UNC5D: variants seen among roughly 807,000 people sequenced by gnomAD.
UNC5D encodes netrin receptor UNC5D.
In UNC5D, 39 loss-of-function variants were observed where a neutral mutation model predicts 105.4. The observed-to-expected ratio is 0.37, with a 90% confidence interval of 0.29 to 0.48. UNC5D has a LOEUF of 0.48. UNC5D is among the 20% of genes least tolerant of loss of function. UNC5D has a pLI of 0.98. For synonymous variants in UNC5D, 452 were observed against 450.4 expected (o/e 1.00, Z -0.04); for missense variants, 991 against 1,202.4 (o/e 0.82, Z 2.60).
chr8:35,476,205 C>G (rs1050789855), intron 1 of UNC5D, among the ~76,000 whole-genome samples: 15 of 152,148 alleles, frequency 9.9e-5, no homozygotes, highest in Admixed American at 2.0e-4. Flanking sequence ...AATGAGCCTT[C>G]AGATGACTCT....
intron 1 of UNC5D, among the ~76,000 whole-genome samples, chr8:35,274,207 A>G (rs1013243563): frequency 6.6e-6 from 1 of 152,144 alleles, no homozygotes; most frequent in African/African-American, 2.4e-5. Context: ...TCCTCCTACT[A>G]TGGTGTAAAG....
chr8:35,410,053 A>G (rs1805064720), intron 1 of UNC5D, among the ~76,000 whole-genome samples: 1 of 151,658 alleles, frequency 6.6e-6, no homozygotes, highest in Non-Finnish European at 1.5e-5. Context: ...TTGAACAGTA[A>G]TGAATTTTCC....
intron 1 of UNC5D, among the ~76,000 whole-genome samples, chr8:35,415,498 G>A (rs1805470640): frequency 6.6e-6 from 1 of 151,970 alleles, no homozygotes; most frequent in African/African-American, 2.4e-5. Context: ...TGGCCATTTG[G>A]TTTTACCCTA....
intron 1 of UNC5D, among the ~76,000 whole-genome samples, chr8:35,413,309 T>TGTG (rs201603589): frequency 7.0e-6 from 1 of 142,248 alleles, no homozygotes; most frequent in Non-Finnish European, 1.5e-5. Context: ...TGTGTGTGTG[T>TGTG]TTTCTCTCTT....
chr8:35,674,052 A>T lies in UNC5D; in HGVS notation c.571-9495A>T, dbSNP rs569314410. On this transcript the variant is annotated intron_variant, in intron 4 of 16. Coordinates refer to ENST00000404895, the MANE Select transcript of UNC5D (RefSeq NM_080872.4). ...CAAAATAATTCAGGTCACAGTCTGA[A>T]CATTTGACAGTAATGATATAACTGG... Among the ~76,000 whole-genome samples, 8 of 152,298 alleles carry T rather than the reference A, an allele frequency of 5.3e-5. No individual in the cohort carries two copies. The East Asian group carries it at 1.5e-3, about 29-fold the overall frequency.
intron 15 of UNC5D, among the ~76,000 whole-genome samples, chr8:35,771,515 G>T (rs1639917206): frequency 6.6e-6 from 1 of 152,176 alleles, no homozygotes; most frequent in Non-Finnish European, 1.5e-5. Flanking sequence ...TTAGAGACTA[G>T]AAGAAATTTT....
intron 16 of UNC5D, among the ~76,000 whole-genome samples, chr8:35,777,728 T>G (rs551956337): frequency 6.6e-6 from 1 of 152,262 alleles, no homozygotes; most frequent in South Asian, 2.1e-4. Context: ...TTCACAAAAA[T>G]AGACAACGAC....
chr8:35,525,619 T>C (rs1252440881), intron 1 of UNC5D: 2 of 1,613,510 alleles, frequency 1.2e-6, no homozygotes, highest in African/African-American at 1.3e-5. Context: ...TGGTTGGGCT[T>C]TCCACTGGAA....
intron 1 of UNC5D, among the ~76,000 whole-genome samples, chr8:35,409,348 C>T (rs1805008866): frequency 6.6e-6 from 1 of 152,060 alleles, no homozygotes; most frequent in Admixed American, 6.6e-5. Flanking sequence ...TTCTGCATTT[C>T]CATCAGCAGT....
chr8:35,497,202 A>G (rs1269148980), intron 1 of UNC5D, among the ~76,000 whole-genome samples: 5 of 152,160 alleles, frequency 3.3e-5, no homozygotes, highest in African/African-American at 1.2e-4. Context: ...AGCAAGGTCC[A>G]TTTGTTCAGG....
chr8:35,574,008 G>T (rs938544782), intron 3 of UNC5D, among the ~76,000 whole-genome samples: 1 of 152,200 alleles, frequency 6.6e-6, no homozygotes, highest in Non-Finnish European at 1.5e-5. Flanking sequence ...CCTCTCGTTT[G>T]TCTGGTTCAA....
chr8:35,538,530 G>A (rs1334867116), intron 1 of UNC5D, among the ~76,000 whole-genome samples: 2 of 150,238 alleles, frequency 1.3e-5, no homozygotes, highest in African/African-American at 4.9e-5. Flanking sequence ...TTTGGAAAGA[G>A]CATTCTGCTT....
chr8:35,566,016 A>C (rs1269192859), intron 2 of UNC5D, among the ~76,000 whole-genome samples: 2 of 152,210 alleles, frequency 1.3e-5, no homozygotes, highest in East Asian at 3.9e-4. Flanking sequence ...CAGCAGGAAC[A>C]ACATCATCAT....
chr8:35,547,579 G>A (rs369166779), intron 1 of UNC5D, among the ~76,000 whole-genome samples: 30 of 152,316 alleles, frequency 2.0e-4, no homozygotes, highest in African/African-American at 5.8e-4. Context: ...GATTACAGGC[G>A]TAAGCCACCG....
intron 1 of UNC5D, among the ~76,000 whole-genome samples, chr8:35,464,348 A>T (rs1443942119): frequency 6.6e-6 from 1 of 152,134 alleles, no homozygotes; most frequent in Non-Finnish European, 1.5e-5. Context: ...AATAATAATA[A>T]AAAAGAAAAC....
rs140606297 is a variant in UNC5D, at chr8:35,508,223, A to G, written c.104-41069A>G. Among the ~76,000 whole-genome samples the G allele has an allele frequency of 1.9e-3, 296 of 152,330 alleles. 1 individual carries two copies. The highest frequency in any genetic ancestry group is 6.7e-3 in the African/African-American group (277 of 41,570). On this transcript the variant is annotated intron_variant, in intron 1 of 16. Coordinates refer to ENST00000404895, the MANE Select transcript of UNC5D (RefSeq NM_080872.4). ...TGGCACTCTGATATTCCGTTACTTCACTGTTTGGATTTCAGTGCATTCTTC... is the reference window on the plus strand; with the variant it reads ...TGGCACTCTGATATTCCGTTACTTCGCTGTTTGGATTTCAGTGCATTCTTC...
intron 9 of UNC5D, 42 bp downstream of exon 9, chr8:35,722,437 T>C (rs368890572): frequency 6.3e-7 from 1 of 1,591,178 alleles, no homozygotes; most frequent in Middle Eastern, 2.1e-4. Flanking sequence ...CTCAGTGCCA[T>C]AGACTACGCT....
At chr8:35,585,807 A>G (rs1327121986) in intron 3 of UNC5D, among the ~76,000 whole-genome samples, 1 of 151,772 alleles carries the variant, frequency 6.6e-6, no homozygotes, top group African/African-American at 2.4e-5. Flanking sequence ...ATATTCACAT[A>G]TATATGTATA....
rs965395141 is a variant in UNC5D at position 35,794,873 on chromosome 8, CAG to C, written c.*4311_*4312del. 13 of 152,168 alleles carry C rather than the reference CAG, an allele frequency of 8.5e-5. No individual in the cohort carries two copies. Among genetic ancestry groups the C allele is most frequent in the African/African-American group, 3.1e-4 (13 of 41,438 alleles). 9.4% of individuals were successfully genotyped at this position (152,168 alleles called of 1,614,324 possible). On this transcript the variant is annotated 3_prime_UTR_variant, in exon 17 of 17. Coordinates refer to ENST00000404895, the MANE Select transcript of UNC5D (RefSeq NM_080872.4). ...TACACTGTAATTCTTCGAAAAGTAA[CAG>C]GGGATGGAAATCAGACCTGGCCGTT...
Sources: gnomAD v4.1 joint callset for allele counts (sites outside exome capture counted in the v4.1 genomes callset) on GRCh38, gnomAD v4.1.1 for gene constraint, MANE v1.5 for transcripts, NCBI Gene and HGNC (gene_info 2026-07-23, HGNC 2026-07-21) for gene names.